Variants in MARCHF1 observed in about 807,000 individuals in gnomAD.
The protein encoded by MARCHF1 is E3 ubiquitin-protein ligase MARCHF1.
MARCHF1 carries 40 observed loss-of-function variants against 54.2 expected under a neutral mutation model. The observed-to-expected ratio is 0.74, with a 90% CI of 0.57 to 0.96. MARCHF1 has a LOEUF of 0.96. Ranked by LOEUF, MARCHF1 falls within the 40% of genes least tolerant of loss-of-function variation. MARCHF1 has a pLI of 0.00. For missense variants in MARCHF1, 586 were observed against 656.5 expected (o/e 0.89, Z 1.17); for synonymous variants, 236 against 236.3 (o/e 1.00, Z 0.01).
chr4:163,910,102 T>C (rs1751158589), intron 3 of MARCHF1, among the ~76,000 whole-genome samples: 1 of 152,276 alleles, frequency 6.6e-6, no homozygotes, highest in South Asian at 2.1e-4. Context: ...ATCTAACATA[T>C]AAGAACAAAA....
chr4:164,224,774 A>T (rs1050218679), intron 1 of MARCHF1, among the ~76,000 whole-genome samples: 3 of 152,104 alleles, frequency 2.0e-5, no homozygotes, highest in Non-Finnish European at 2.9e-5. Flanking sequence ...TTTAAATATC[A>T]TATTAACTTT....
rs1423739696 is a variant in MARCHF1 at position 164,106,248 on chromosome 4, C to T, written c.-248+5340G>A. On this transcript the variant is annotated intron_variant, in intron 2 of 9. Coordinates refer to ENST00000514618, the MANE Select transcript of MARCHF1 (RefSeq NM_001394959.1). ...CTAGAACTGGAAATACCATTTGACC[C>T]AGCCATCCCATTACTGGGTATATAC... Among the ~76,000 whole-genome samples, 39 of 128,060 alleles carry T rather than the reference C, an allele frequency of 3.0e-4. 1 individual carries two copies. The highest frequency in any genetic ancestry group is 1.2e-3 in the African/African-American group (36 of 29,890). 84.0% of individuals were successfully genotyped at this position (128,060 alleles called of 152,430 possible). A position where few individuals can be genotyped will look rare whatever the true frequency, so the allele number is the denominator to read the frequency against.
chr4:163,903,525 C>T (rs548944942), intron 3 of MARCHF1, among the ~76,000 whole-genome samples: 1 of 152,238 alleles, frequency 6.6e-6, no homozygotes, highest in East Asian at 1.9e-4. Context: ...TAGTGATAAA[C>T]ATAAAGTTTA....
chr4:163,820,062 C>T (rs1304519850), intron 4 of MARCHF1, among the ~76,000 whole-genome samples: 3 of 152,074 alleles, frequency 2.0e-5, no homozygotes, highest in Admixed American at 6.6e-5. Flanking sequence ...CTTCTTTCTT[C>T]CATAGCCCAA....
chr4:163,890,208 A>G (rs1236358386), intron 3 of MARCHF1, among the ~76,000 whole-genome samples: 1 of 151,876 alleles, frequency 6.6e-6, no homozygotes, highest in East Asian at 1.9e-4. Context: ...TGCTGGGATT[A>G]CAGGCGTGAG....
intron 8 of MARCHF1, among the ~76,000 whole-genome samples, chr4:163,580,650 G>T (rs1481971420): frequency 2.6e-5 from 4 of 152,130 alleles, no homozygotes; most frequent in Non-Finnish European, 5.9e-5. Context: ...AAAATAATTG[G>T]TGTGCATATA....
At chr4:163,598,666 T>C (rs1255949867) in intron 7 of MARCHF1, among the ~76,000 whole-genome samples, 1 of 152,212 alleles carries the variant, frequency 6.6e-6, no homozygotes, top group Non-Finnish European at 1.5e-5. Context: ...TATAGTGCAC[T>C]TACCATGAAT....
chr4:163,712,065 G>A (rs1745123873), intron 4 of MARCHF1, among the ~76,000 whole-genome samples: 2 of 152,114 alleles, frequency 1.3e-5, no homozygotes, highest in Non-Finnish European at 2.9e-5. Flanking sequence ...GAGTTATATT[G>A]TTTTCTTCTG....
chr4:164,308,535 T>C (rs915669680), intron 1 of MARCHF1, among the ~76,000 whole-genome samples: 4 of 152,210 alleles, frequency 2.6e-5, no homozygotes, highest in Non-Finnish European at 5.9e-5. Context: ...CTTGCAGTTC[T>C]CTGCTTACTT....
intron 4 of MARCHF1, among the ~76,000 whole-genome samples, chr4:163,823,753 A>C (rs930365090): frequency 3.9e-5 from 6 of 151,904 alleles, no homozygotes; most frequent in African/African-American, 1.4e-4. Flanking sequence ...TGCTAAAATA[A>C]ACTAACCTAC....
chr4:164,274,036 T>C (rs1579680280), intron 1 of MARCHF1, among the ~76,000 whole-genome samples: 2 of 85,316 alleles, frequency 2.3e-5, no homozygotes, highest in East Asian at 4.6e-4. Flanking sequence ...CCAAAATCAC[T>C]ATTTTTTTTT....
chr4:164,104,820 C>T (rs1185578601), intron 2 of MARCHF1, among the ~76,000 whole-genome samples: 11 of 50,938 alleles, frequency 2.2e-4, no homozygotes, highest in Admixed American at 6.8e-4. Flanking sequence ...AAGAGGAAGT[C>T]AAATTGTCCC....
At chr4:163,886,334 T>C (rs1055326008) in intron 3 of MARCHF1, among the ~76,000 whole-genome samples, 7 of 146,340 alleles carry the variant, frequency 4.8e-5, no homozygotes, top group African/African-American at 1.3e-4. Flanking sequence ...GATAGATAGA[T>C]AGATAGATAG....
chr4:163,688,934 A>G (rs1744355716), intron 5 of MARCHF1, among the ~76,000 whole-genome samples: 1 of 152,188 alleles, frequency 6.6e-6, no homozygotes, highest in African/African-American at 2.4e-5. Flanking sequence ...TTCTGTTGGA[A>G]AAGCAACTGT....
At chr4:164,312,212 T>G (rs1342325866) in intron 1 of MARCHF1, among the ~76,000 whole-genome samples, 1 of 151,998 alleles carries the variant, frequency 6.6e-6, no homozygotes, top group East Asian at 1.9e-4. Flanking sequence ...AGAAGCTTCA[T>G]GACAATGAAT....
chr4:163,647,329 C>T (rs118067264), intron 5 of MARCHF1, among the ~76,000 whole-genome samples: 190 of 152,004 alleles, frequency 1.2e-3, no homozygotes, highest in East Asian at 0.012. Context: ...GACTGTAATA[C>T]GCCACTTTCA....
At chr4:163,862,827 T>C (rs907584716) in intron 3 of MARCHF1, among the ~76,000 whole-genome samples, 1 of 152,040 alleles carries the variant, frequency 6.6e-6, no homozygotes, top group Non-Finnish European at 1.5e-5. Context: ...TGCCCTTCAA[T>C]AGGTGAATGG....
intron 4 of MARCHF1, among the ~76,000 whole-genome samples, chr4:163,818,042 C>A (rs1748591216): frequency 6.6e-6 from 1 of 150,446 alleles, no homozygotes; most frequent in Admixed American, 6.6e-5. Flanking sequence ...AGCACACCAG[C>A]ATGGCACATG....
intron 3 of MARCHF1, among the ~76,000 whole-genome samples, chr4:163,948,160 C>T (rs1485571172): frequency 4.6e-5 from 7 of 152,174 alleles, no homozygotes; most frequent in African/African-American, 1.7e-4. Flanking sequence ...GGGCACAAAA[C>T]ATGCATTTTA....
Sources: allele counts gnomAD v4.1 joint callset (sites outside exome capture counted in the v4.1 genomes callset), GRCh38; gene constraint gnomAD v4.1.1; transcripts MANE v1.5; gene names NCBI Gene and HGNC (gene_info 2026-07-23, HGNC 2026-07-21).